The following ZZEF1 variants were observed in gnomAD, a reference collection of about 807,000 sequenced individuals.
The protein encoded by ZZEF1 is zinc finger ZZ-type and EF-hand domain-containing protein 1.
A neutral mutation model predicts 342.8 loss-of-function variants in ZZEF1; 157 were observed. The observed-to-expected ratio is 0.46, with a 90% CI of 0.40 to 0.52. The LOEUF is 0.52. Among genes scored for constraint, ZZEF1 ranks in the 20% least tolerant of loss-of-function variants. The probability of loss-of-function intolerance (pLI) is 0.00; values close to 1 mark genes in which losing one functional copy is unlikely to be tolerated. For missense variants in ZZEF1, 3,480 were observed against 3,725.6 expected (o/e 0.93, Z 1.72); for synonymous variants, 1,505 against 1,429.1 (o/e 1.05, Z -1.20).
chr17:4,138,180 A>C (rs781445531), intron 1 of ZZEF1, among the ~76,000 whole-genome samples: 2 of 152,186 alleles, frequency 1.3e-5, no homozygotes, highest in Non-Finnish European at 2.9e-5. Context: ...CTCCCGGCTG[A>C]AGGCAAGAAA....
At chr17:4,051,675 GA>G (rs1316419929) in intron 35 of ZZEF1, among the ~76,000 whole-genome samples, 1 of 151,094 alleles carries the variant, frequency 6.6e-6, no homozygotes, top group Non-Finnish European at 1.5e-5. Flanking sequence ...CTCGGCCTCT[GA>G]AAGTGCTGGG....
At chr17:4,087,334 A>T in intron 14 of ZZEF1, 100 bp downstream of exon 14, 1 of 822,466 alleles carries the variant, frequency 1.2e-6, no homozygotes, top group Non-Finnish European at 1.9e-6. Flanking sequence ...AAACACTGGT[A>T]GGAAGTAAAA....
In ZZEF1 at chr17:4,004,844, G is replaced by C. The variant is rs1039021170; in HGVS notation, c.*2046C>G. Reference sequence around the variant, plus strand: ...GAGGCGGCCGGGCCGAGCCGGGAGAGCAGCCGCGGGTGCGAGCGGACTCAG... The same window carrying C: ...GAGGCGGCCGGGCCGAGCCGGGAGACCAGCCGCGGGTGCGAGCGGACTCAG... On this transcript the variant is annotated 3_prime_UTR_variant, in exon 55 of 55. Transcript: ENST00000381638. The C allele has an allele frequency of 2.6e-5, 4 of 152,394 alleles. No homozygotes were observed. Among genetic ancestry groups the C allele is most frequent in the East Asian group, 3.9e-4 (2 of 5,184 alleles). The allele number at this position is 152,394 out of a possible 1,614,324, so 9.4% of individuals were successfully genotyped here. A position where few individuals can be genotyped will look rare whatever the true frequency, so the allele number is the denominator to read the frequency against.
At chr17:4,045,952 C>T (rs970295968) in intron 37 of ZZEF1, among the ~76,000 whole-genome samples, 11 of 151,776 alleles carry the variant, frequency 7.2e-5, no homozygotes, top group Middle Eastern at 3.2e-3. Context: ...CTCAGCCTCA[C>T]GAGTAGCTGG....
intron 3 of ZZEF1, among the ~76,000 whole-genome samples, chr17:4,115,278 T>C (rs975050039): frequency 8.5e-5 from 13 of 152,184 alleles, no homozygotes; most frequent in African/African-American, 2.4e-5. Flanking sequence ...CTTCCCACTT[T>C]GGCCTCCCAA....
At chr17:4,042,400 C>T (rs753236193) in intron 39 of ZZEF1, 29 bp downstream of exon 39, 18 of 1,599,040 alleles carry the variant, frequency 1.1e-5, no homozygotes, top group Non-Finnish European at 1.5e-5. Flanking sequence ...ATACCACCAC[C>T]CCCACTTTTA....
chr17:4,098,734 A>C (rs528544485), intron 9 of ZZEF1, among the ~76,000 whole-genome samples: 1 of 152,362 alleles, frequency 6.6e-6, no homozygotes, highest in East Asian at 1.9e-4. Context: ...ACAAAAATTT[A>C]TAAAGACAAT....
chr17:4,111,722 T>C (rs558980422), intron 5 of ZZEF1, among the ~76,000 whole-genome samples: 1 of 145,932 alleles, frequency 6.9e-6, no homozygotes, highest in Admixed American at 7.0e-5. Context: ...TATATAAATA[T>C]GTATAAACAT....
intron 1 of ZZEF1, among the ~76,000 whole-genome samples, chr17:4,127,232 G>A (rs1292413316): frequency 1.3e-5 from 2 of 152,002 alleles, no homozygotes; most frequent in African/African-American, 2.4e-5. Context: ...TCAAACTTCT[G>A]CCTTCAAGAG....
chr17:4,064,067 G>C lies in ZZEF1; in HGVS notation c.4718+294C>G, dbSNP rs72827337. 2.4e-3 allele frequency among the ~76,000 whole-genome samples: 362 copies of C among 151,732 alleles called. 1 individual carries two copies. Among genetic ancestry groups the C allele is most frequent in the Non-Finnish European group, 3.8e-3 (259 of 67,916 alleles). The stretch of plus-strand genomic sequence containing the variant: ...AAAAAAATTTTTTGTAGATGGAGGG[G>C]GGGGGGTCTCACTATGTTGCCCAGG... On this transcript the variant is annotated intron_variant, in intron 29 of 54. Transcript: ENST00000381638.
intron 18 of ZZEF1, among the ~76,000 whole-genome samples, chr17:4,080,256 AAC>A (rs768737279): frequency 1.3e-5 from 2 of 150,926 alleles, no homozygotes; most frequent in African/African-American, 2.4e-5. Context: ...AAAAATCACT[AAC>A]ACAGAAAAAA....
intron 16 of ZZEF1, among the ~76,000 whole-genome samples, chr17:4,084,209 T>C (rs2057778265): frequency 6.6e-6 from 1 of 152,222 alleles, no homozygotes; most frequent in East Asian, 1.9e-4. Context: ...AAGGAGTTTC[T>C]ATTTTGAGTT....
chr17:4,080,375 C>T (rs1439521354), intron 18 of ZZEF1, among the ~76,000 whole-genome samples: 1 of 151,814 alleles, frequency 6.6e-6, no homozygotes, highest in East Asian at 1.9e-4. Flanking sequence ...GAGTTTCGCT[C>T]GTTGCCCAGG....
Position 4,137,214 on chromosome 17 carries a change from G to A in ZZEF1, c.354+5328C>T, listed in dbSNP as rs539529754. Among the ~76,000 whole-genome samples the A allele has an allele frequency of 2.0e-5, 3 of 152,256 alleles. No homozygotes were observed. The East Asian group carries it at 5.8e-4, about 29-fold the overall frequency. The stretch of plus-strand genomic sequence containing the variant: ...GAAATCAGGGAGAGACAAAAGAGCT[G>A]TGGCCCTTCCTCCATAGCTCTCCTA... On this transcript the variant is annotated intron_variant, in intron 1 of 54. Transcript: ENST00000381638.
chr17:4,117,088 T>C lies in ZZEF1; in HGVS notation c.578A>G (p.Asn193Ser), dbSNP rs369003034. 165 of 1,614,160 alleles carry C rather than the reference T, an allele frequency of 1.0e-4. No homozygotes were observed. Among genetic ancestry groups the C allele is most frequent in the African/African-American group, 6.8e-4 (51 of 75,054 alleles). The change falls in exon 3 of 55, where the codon AAT (asparagine) becomes AGT (serine). Residue 193 changes from asparagine (N) to serine (S), a missense_variant. Physicochemically the swap from Asn to Ser is conservative, Grantham distance 46. This residue lies in a region of ZZEF1 where 416 missense variants were observed against 374.2 expected (regional missense o/e 1.11). Transcript: ENST00000381638. ...SSMILRFLHR[N>S]RLSSAVMPYP... ...GGGCATCACCGCGCTGGAGAGCCGATTGCGGTGCAGGAAGCGCAGTATCAT... is the reference window on the plus strand; with the variant it reads ...GGGCATCACCGCGCTGGAGAGCCGACTGCGGTGCAGGAAGCGCAGTATCAT...
At chr17:4,109,908 A>T (rs1001942845) in intron 5 of ZZEF1, 45 bp from the exon 6 acceptor site, 2 of 1,601,294 alleles carry the variant, frequency 1.2e-6, no homozygotes, top group Admixed American at 1.7e-5. Context: ...TAACTTCTTT[A>T]GGCAAATGCT....
chr17:4,054,255 A>G, intron 33 of ZZEF1, 60 bp from the exon 34 acceptor site: 21 of 1,552,230 alleles, frequency 1.4e-5, no homozygotes, highest in Non-Finnish European at 1.8e-5. Context: ...ACAATTCACT[A>G]ATCAATTCCT....
intron 39 of ZZEF1, among the ~76,000 whole-genome samples, chr17:4,039,735 C>G (rs1028354057): frequency 6.6e-6 from 1 of 150,712 alleles, no homozygotes; most frequent in Non-Finnish European, 1.5e-5. Flanking sequence ...CCTCCGCCTC[C>G]CGGGTTCACG....
chr17:4,108,326 G>A (rs149667903), intron 6 of ZZEF1, among the ~76,000 whole-genome samples: 39 of 152,180 alleles, frequency 2.6e-4, no homozygotes, highest in African/African-American at 8.4e-4. Context: ...ACCTCAATCT[G>A]ATCACAATAA....
Sources: gnomAD v4.1 joint callset for allele counts (sites outside exome capture counted in the v4.1 genomes callset) on GRCh38, gnomAD v4.1.1 for gene constraint, gnomAD v4.1.1 regional missense constraint, MANE v1.5 for transcripts, NCBI Gene and HGNC (gene_info 2026-07-23, HGNC 2026-07-21) for gene names.